The following ARMC9 variants were observed in gnomAD, a reference collection of about 807,000 sequenced individuals.
ARMC9 encodes armadillo repeat containing 9.
ARMC9 carries 94 observed loss-of-function variants against 107.0 expected under a neutral mutation model. That is an observed-to-expected ratio of 0.88 (90% CI 0.74 to 1.04). ARMC9 has a LOEUF of 1.04. ARMC9 is among the 50% of genes least tolerant of loss of function. The probability of loss-of-function intolerance (pLI) is 0.00; values close to 1 mark genes in which losing one functional copy is unlikely to be tolerated. For synonymous variants in ARMC9, 380 were observed against 396.9 expected, an observed-to-expected ratio of 0.96 and a Z score of 0.51; for missense variants, 942 against 1,030.1, an observed-to-expected ratio of 0.91 and a Z score of 1.17.
chr2:231,219,044 G>A (rs958462257), intron 5 of ARMC9, among the ~76,000 whole-genome samples: 2 of 151,944 alleles, frequency 1.3e-5, no homozygotes, highest in Non-Finnish European at 2.9e-5. Flanking sequence ...GAGCCATCAC[G>A]CCCAGCCATA....
intron 20 of ARMC9, among the ~76,000 whole-genome samples, chr2:231,338,679 A>T (rs1166279538): frequency 6.6e-6 from 1 of 151,880 alleles, no homozygotes; most frequent in Admixed American, 6.6e-5. Flanking sequence ...ACAAATTCAA[A>T]TGTTAAAAAT....
At chr2:231,256,385 T>C (rs1282827255) in intron 9 of ARMC9, 10 of 1,295,238 alleles carry the variant, frequency 7.7e-6, no homozygotes, top group Non-Finnish European at 1.1e-5. Context: ...TCTGCTCCTT[T>C]TTTTTTGTCC....
intron 17 of ARMC9, among the ~76,000 whole-genome samples, chr2:231,290,212 G>A (rs2040890790): frequency 6.6e-6 from 1 of 152,180 alleles, no homozygotes; most frequent in Non-Finnish European, 1.5e-5. Flanking sequence ...ATTTGAGTGA[G>A]GTCACACATT....
intron 4 of ARMC9, among the ~76,000 whole-genome samples, chr2:231,215,975 G>A (rs2033457322): frequency 6.6e-6 from 1 of 152,196 alleles, no homozygotes; most frequent in East Asian, 1.9e-4. Context: ...GTCTATGTAC[G>A]AGACTGTGAA....
chr2:231,218,023 T>C (rs1237749220), intron 5 of ARMC9, among the ~76,000 whole-genome samples: 1 of 152,204 alleles, frequency 6.6e-6, no homozygotes, highest in Non-Finnish European at 1.5e-5. Context: ...AGTCTCATTC[T>C]GTCACCCAGG....
chr2:231,204,789 G>A (rs1197650359), intron 1 of ARMC9, among the ~76,000 whole-genome samples: 1 of 152,094 alleles, frequency 6.6e-6, no homozygotes, highest in Non-Finnish European at 1.5e-5. Flanking sequence ...CAGAGTTCAC[G>A]AGGGCAGGCG....
chr2:231,355,413 T>A (rs892402695), intron 21 of ARMC9, among the ~76,000 whole-genome samples: 1 of 152,208 alleles, frequency 6.6e-6, no homozygotes, highest in African/African-American at 2.4e-5. Flanking sequence ...ACATGTTATG[T>A]CTTCTCTGGT....
At chr2:231,315,284 A>G (rs891994272) in intron 19 of ARMC9, among the ~76,000 whole-genome samples, 41 of 150,788 alleles carry the variant, frequency 2.7e-4, no homozygotes, top group Non-Finnish European at 5.6e-4. Context: ...CATGCTTGTA[A>G]TCCCGGCACT....
chr2:231,355,959 G>C (rs1025177773), intron 22 of ARMC9, 25 bp downstream of exon 22: 1 of 1,529,558 alleles, frequency 6.5e-7, no homozygotes, highest in African/African-American at 1.4e-5. Context: ...AGCACACTGG[G>C]TCAGTTCTGG....
chr2:231,220,892 A>T (rs2034056051), intron 5 of ARMC9, among the ~76,000 whole-genome samples: 1 of 152,246 alleles, frequency 6.6e-6, no homozygotes. Context: ...ACAACAGAGC[A>T]ATCTAACTGG....
chr2:231,199,869 T>C (rs1042273620), intron 1 of ARMC9, among the ~76,000 whole-genome samples: 1 of 152,068 alleles, frequency 6.6e-6, no homozygotes, highest in African/African-American at 2.4e-5. Context: ...GGCTAATTTT[T>C]GTATTTTTAG....
At position 231,334,273 on chromosome 2, in the gene ARMC9, C is replaced by T. The variant is rs139484752; in HGVS notation, c.1878+2376C>T. On this transcript the variant is annotated intron_variant, in intron 20 of 24. Transcript: ENST00000611582. The stretch of plus-strand genomic sequence containing the variant: ...AAACAGCAGAAATGTATTCTGTCTT[C>T]GTTTTGAAAGGCAGAAATCCAAAAT... Among the ~76,000 whole-genome samples the T allele has an allele frequency of 1.6e-3, 248 of 152,338 alleles. 3 individuals are homozygous for T. Among genetic ancestry groups the T allele is most frequent in the African/African-American group, 5.0e-3 (209 of 41,572 alleles).
At chr2:231,305,855 T>C (rs774540162) in intron 19 of ARMC9, among the ~76,000 whole-genome samples, 2 of 152,200 alleles carry the variant, frequency 1.3e-5, no homozygotes, top group Non-Finnish European at 2.9e-5. Flanking sequence ...AAATGTTCAA[T>C]TTCTCACTTT....
At chr2:231,228,539 G>C (rs1221389145) in intron 7 of ARMC9, among the ~76,000 whole-genome samples, 3 of 152,236 alleles carry the variant, frequency 2.0e-5, no homozygotes, top group African/African-American at 4.8e-5. Context: ...CCCAGAGAGA[G>C]CCAGGAGGAA....
rs1434247229 is a variant in ARMC9, at chr2:231,271,843, T to A, written c.1210+771T>A. Among the ~76,000 whole-genome samples the A allele has an allele frequency of 3.3e-5, 5 of 152,176 alleles. No homozygotes were observed. The South Asian group carries it at 8.3e-4, about 25-fold the overall frequency. ...GGACCATTCTGGGCTTATTACAGGG[T>A]CCCAGGTGTGGCTTCCTGCTTCTTC... On this transcript the variant is annotated intron_variant, in intron 13 of 24. Coordinates refer to ENST00000611582, the MANE Select transcript of ARMC9 (RefSeq NM_001352754.2).
intron 1 of ARMC9, among the ~76,000 whole-genome samples, chr2:231,201,768 A>G (rs575254831): frequency 5.9e-5 from 9 of 152,228 alleles, no homozygotes; most frequent in African/African-American, 4.8e-5. Flanking sequence ...AACCTCTCAC[A>G]TTGGTTAACC....
rs1231399090 is a variant in ARMC9, at chr2:231,373,800, G to A, written c.*2265G>A. On this transcript the variant is annotated 3_prime_UTR_variant, in exon 25 of 25. Transcript: ENST00000611582. This position sits in a 1 kb window ranked among gnomAD's most constrained non-coding sequence, Gnocchi z 4.4. ...GCCTGTAATCTCAGCTACTCAAGGA[G>A]GCTGAGGCACAAGAATAGCTTGAAC... 6.6e-6 allele frequency: 1 copy of A among 151,960 alleles called. No homozygotes were observed. Among genetic ancestry groups the A allele is most frequent in the Non-Finnish European group, 1.5e-5 (1 of 68,016 alleles). 9.4% of individuals were successfully genotyped at this position (151,960 alleles called of 1,614,324 possible).
Position 231,373,256 on chromosome 2 carries a change from C to T in ARMC9, c.*1721C>T, listed in dbSNP as rs995605271. On this transcript the variant is annotated 3_prime_UTR_variant, in exon 25 of 25. Coordinates refer to ENST00000611582, the MANE Select transcript of ARMC9 (RefSeq NM_001352754.2). This position sits in a 1 kb window ranked among gnomAD's most constrained non-coding sequence, Gnocchi z 4.4. ...GCAGAGGGTCCGCAAAATGCAACTC[C>T]TCCGTGGTGAGACTTTGAAAAGGTG... The T allele has an allele frequency of 6.6e-6, 1 of 152,246 alleles. No homozygotes were observed. Among genetic ancestry groups the T allele is most frequent in the Non-Finnish European group, 1.5e-5 (1 of 68,084 alleles). The allele number at this position is 152,246 out of a possible 1,614,324, so 9.4% of individuals were successfully genotyped here.
chr2:231,240,231 T>TA (rs1004046157), intron 9 of ARMC9, 190 bp downstream of exon 9: 98 of 610,964 alleles, frequency 1.6e-4, no homozygotes, highest in Non-Finnish European at 2.2e-4. Flanking sequence ...GCTGGCCTCC[T>TA]AGGGAGGGTG....
Sources: allele counts gnomAD v4.1 joint callset (sites outside exome capture counted in the v4.1 genomes callset), GRCh38; gene constraint gnomAD v4.1.1; non-coding constraint Gnocchi (gnomAD v3.1); transcripts MANE v1.5; gene names NCBI Gene and HGNC (gene_info 2026-07-23, HGNC 2026-07-21).